Variants in UVRAG observed in about 807,000 individuals in gnomAD.
UVRAG encodes the protein UV radiation resistance associated, also known as UV radiation resistance-associated gene protein.
A neutral mutation model predicts 78.0 loss-of-function variants in UVRAG; 19 were observed. The ratio of observed to expected loss-of-function variants is 0.24; its 90% CI spans 0.17 to 0.36. The LOEUF (loss-of-function observed/expected upper bound fraction) is 0.36. Ranked by LOEUF, UVRAG falls within the 10% of genes least tolerant of loss-of-function variation. UVRAG has a pLI of 1.00. For missense variants in UVRAG, 740 were observed against 853.8 expected (o/e 0.87, Z 1.66); for synonymous variants, 323 against 324.6 (o/e 1.00, Z 0.05).
chr11:76,077,427 A>T (rs1283717553), intron 13 of UVRAG, among the ~76,000 whole-genome samples: 1 of 152,112 alleles, frequency 6.6e-6, no homozygotes, highest in East Asian at 1.9e-4. Context: ...TGATTGCTGA[A>T]AGTGTAAATT....
intron 13 of UVRAG, among the ~76,000 whole-genome samples, chr11:76,110,549 T>C (rs1319910171): frequency 1.3e-5 from 2 of 152,320 alleles, no homozygotes; most frequent in East Asian, 3.9e-4. Flanking sequence ...ATCAAGTACC[T>C]ATCCAGTTGG....
chr11:75,899,245 C>T (rs1384872077), intron 5 of UVRAG, among the ~76,000 whole-genome samples: 1 of 151,982 alleles, frequency 6.6e-6, no homozygotes, highest in African/African-American at 2.4e-5. Flanking sequence ...TATTTCTGAA[C>T]TATTTGAGCT....
At chr11:75,893,097 A>T (rs1394014074) in intron 5 of UVRAG, among the ~76,000 whole-genome samples, 1 of 151,786 alleles carries the variant, frequency 6.6e-6, no homozygotes, top group Non-Finnish European at 1.5e-5. Context: ...GAACTGCTTG[A>T]ACCCAGGAGG....
At position 75,983,265 on chromosome 11, in the gene UVRAG, A is replaced by G. The variant is rs1035869993; in HGVS notation, c.700-122A>G. The G allele has an allele frequency of 5.5e-4, 476 of 861,994 alleles. 3 individuals carry two copies. Among genetic ancestry groups the G allele is most frequent in the Non-Finnish European group, 4.1e-4 (247 of 604,708 alleles). The allele number at this position is 861,994 out of a possible 1,614,324, so 53.4% of individuals were successfully genotyped here. A position where few individuals can be genotyped will look rare whatever the true frequency, so the allele number is the denominator to read the frequency against. On this transcript the variant is annotated intron_variant, in intron 7 of 14. Transcript: ENST00000356136. ...GGTAATTAAGTTACTCAAGAGTTCC[A>G]TAAGTTTGATGAGTATTAAAATGTT...
intron 6 of UVRAG, among the ~76,000 whole-genome samples, chr11:75,935,579 G>A (rs769694623): frequency 2.0e-5 from 3 of 152,128 alleles, no homozygotes; most frequent in Non-Finnish European, 2.9e-5. Flanking sequence ...GCTTCCTTGT[G>A]GAAGAGTCTT....
intron 6 of UVRAG, chr11:75,914,205 C>T (rs1485438106): frequency 6.6e-6 from 1 of 152,166 alleles, no homozygotes; most frequent in Non-Finnish European, 1.5e-5. Flanking sequence ...ATTAAATGAT[C>T]CTCTTTTCCC....
At chr11:76,068,335 C>A (rs551217968) in intron 13 of UVRAG, among the ~76,000 whole-genome samples, 9 of 152,230 alleles carry the variant, frequency 5.9e-5, no homozygotes, top group Non-Finnish European at 1.2e-4. Flanking sequence ...GAACCAGGGC[C>A]ACAAGTATGC....
chr11:75,841,416 CG>C (rs1437281555), intron 1 of UVRAG, among the ~76,000 whole-genome samples: 5 of 151,910 alleles, frequency 3.3e-5, no homozygotes, highest in Admixed American at 6.6e-5. Flanking sequence ...CACTGAAAAG[CG>C]TAAAAGATTT....
chr11:75,852,061 C>T, intron 2 of UVRAG, 61 bp downstream of exon 2: 5 of 1,224,026 alleles, frequency 4.1e-6, no homozygotes, highest in Non-Finnish European at 5.8e-6. Flanking sequence ...TTTTGTAACA[C>T]AAGTGATTCT....
At chr11:76,092,650 C>T (rs1477608552) in intron 13 of UVRAG, among the ~76,000 whole-genome samples, 2 of 152,158 alleles carry the variant, frequency 1.3e-5, no homozygotes, top group Non-Finnish European at 2.9e-5. Flanking sequence ...TGAGAAGTGT[C>T]TGTTCATATC....
chr11:76,137,484 G>A, intron 14 of UVRAG: 1 of 455,930 alleles, frequency 2.2e-6, no homozygotes. Context: ...ATTTTTGAAA[G>A]GTTAAATCTC....
At chr11:75,959,451 C>G (rs1948869127) in intron 6 of UVRAG, among the ~76,000 whole-genome samples, 1 of 152,194 alleles carries the variant, frequency 6.6e-6, no homozygotes, top group Non-Finnish European at 1.5e-5. Context: ...AAACCAATCT[C>G]TGCTGTCTTC....
At chr11:75,946,843 A>G (rs1811655949) in intron 6 of UVRAG, among the ~76,000 whole-genome samples, 2 of 152,172 alleles carry the variant, frequency 1.3e-5, no homozygotes, top group Non-Finnish European at 2.9e-5. Context: ...TACCGTCTGT[A>G]TTAGTCAGCT....
intron 4 of UVRAG, among the ~76,000 whole-genome samples, chr11:75,885,695 A>G (rs957965191): frequency 6.6e-6 from 1 of 152,178 alleles, no homozygotes; most frequent in Admixed American, 6.5e-5. Flanking sequence ...TTGTTAGGCC[A>G]TTAACCTATA....
intron 6 of UVRAG, among the ~76,000 whole-genome samples, chr11:75,918,049 A>G (rs147761814): frequency 8.9e-4 from 136 of 152,094 alleles, no homozygotes; most frequent in African/African-American, 3.2e-3. Context: ...ACAATCTTTT[A>G]CACTGCTGCT....
chr11:75,816,972 G>A (rs1945274395), intron 1 of UVRAG, among the ~76,000 whole-genome samples: 1 of 152,200 alleles, frequency 6.6e-6, no homozygotes, highest in Admixed American at 6.5e-5. Flanking sequence ...GACTACTACC[G>A]AAGAGGATTG....
At chr11:76,095,024 G>C (rs1169166409) in intron 13 of UVRAG, among the ~76,000 whole-genome samples, 1 of 152,166 alleles carries the variant, frequency 6.6e-6, no homozygotes, top group Admixed American at 6.6e-5. Flanking sequence ...TTGGCACTTA[G>C]TATGCGTATG....
At chr11:75,870,047 A>G (rs976536939) in intron 3 of UVRAG, among the ~76,000 whole-genome samples, 3 of 152,122 alleles carry the variant, frequency 2.0e-5, no homozygotes, top group African/African-American at 7.2e-5. Flanking sequence ...TTCCATGTAG[A>G]AATTGGGCGG....
Position 75,845,863 on chromosome 11 carries a change from A to C in UVRAG, c.118-6020A>C, listed in dbSNP as rs183369419. ...TACCTCTTGAGCCTAAAGGTTGCCC[A>C]AAAAAAAAAAGTTAGCAGATCTTAG... On this transcript the variant is annotated intron_variant, in intron 1 of 14. Transcript: ENST00000356136. 3.5e-3 allele frequency among the ~76,000 whole-genome samples: 520 copies of C among 147,730 alleles called. 16 individuals carry two copies. Among genetic ancestry groups the C allele is most frequent in the Admixed American group, 0.029 (425 of 14,734 alleles).
Sources: allele counts gnomAD v4.1 joint callset (sites outside exome capture counted in the v4.1 genomes callset), GRCh38; gene constraint gnomAD v4.1.1; transcripts MANE v1.5; gene names NCBI Gene and HGNC (gene_info 2026-07-23, HGNC 2026-07-21).